L3MBTL2: variants seen among roughly 807,000 people sequenced by gnomAD.
The protein encoded by L3MBTL2 is L3MBTL histone methyl-lysine binding protein 2, also known as lethal(3)malignant brain tumor-like protein 2.
A neutral mutation model predicts 86.4 loss-of-function variants in L3MBTL2; 49 were observed. That is an observed-to-expected ratio of 0.57 (90% CI 0.45 to 0.72). The LOEUF is 0.72. L3MBTL2 is among the 30% of genes least tolerant of loss of function. The pLI, the probability that L3MBTL2 is intolerant of heterozygous loss-of-function variation, is 0.00. For synonymous variants in L3MBTL2, 336 were observed against 350.6 expected (o/e 0.96, Z 0.47); for missense variants, 755 against 923.7 (o/e 0.82, Z 2.37).
At position 41,230,343 on chromosome 22, in the gene L3MBTL2, G is replaced by C. The variant is rs1311816808; in HGVS notation, c.*92G>C. ...TGCCTCCACCTGACTTTGGCTTGGAGACTGATCCTCTCTGTGTAAATTCTG... is the reference window on the plus strand; with the variant it reads ...TGCCTCCACCTGACTTTGGCTTGGACACTGATCCTCTCTGTGTAAATTCTG... On this transcript the variant is annotated 3_prime_UTR_variant, in exon 17 of 17. Transcript: ENST00000216237. 1 of 921,502 alleles carries C rather than the reference G, an allele frequency of 1.1e-6. No individual in the cohort carries two copies. Among genetic ancestry groups the C allele is most frequent in the Non-Finnish European group, 1.7e-6 (1 of 572,468 alleles). The allele number at this position is 921,502 out of a possible 1,614,324, so 57.1% of individuals were successfully genotyped here. A position where few individuals can be genotyped will look rare whatever the true frequency, so the allele number is the denominator to read the frequency against.
Position 41,214,253 on chromosome 22 carries a change from C to T in L3MBTL2, c.396+227C>T, listed in dbSNP as rs567329703. The T allele has an allele frequency of 2.8e-4, 128 of 463,326 alleles. 1 individual carries two copies. The East Asian group carries it at 4.8e-3, about 17-fold the overall frequency. The allele number at this position is 463,326 out of a possible 1,614,324, so 28.7% of individuals were successfully genotyped here. On this transcript the variant is annotated intron_variant, in intron 3 of 16. Transcript: ENST00000216237. ...ATTACCTACCATCATCCCCCAGAGT[C>T]TGGTGTATTCAGTACATTTTAAACA...
chr22:41,217,825 T>G (rs1049768611), intron 5 of L3MBTL2: 1 of 152,668 alleles, frequency 6.6e-6, no homozygotes. Flanking sequence ...CTTGAGGAAG[T>G]AGGGAGTCTT....
chr22:41,225,475 G>C lies in L3MBTL2; in HGVS notation c.1357-319G>C, dbSNP rs555968499. On this transcript the variant is annotated intron_variant, in intron 11 of 16. Coordinates refer to ENST00000216237, the MANE Select transcript of L3MBTL2 (RefSeq NM_031488.5). This position sits in a 1 kb window ranked among gnomAD's most constrained non-coding sequence, Gnocchi z 4.1. The stretch of plus-strand genomic sequence containing the variant: ...CCCCCACCCCTCCTTGGCCCTCCTG[G>C]AGGAGGCTGCTGACTCGTCCTCGCC... 8.5e-5 allele frequency among the ~76,000 whole-genome samples: 13 copies of C among 152,098 alleles called. No homozygotes were observed. The highest frequency in any genetic ancestry group is 1.9e-4 in the Non-Finnish European group (13 of 68,016).
At chr22:41,216,895 A>G in intron 4 of L3MBTL2, 1 of 489,290 alleles carries the variant, frequency 2.0e-6, no homozygotes, top group South Asian at 2.8e-5. Context: ...ATGTTCCTCT[A>G]CTCCTGAGAG....
intron 8 of L3MBTL2, among the ~76,000 whole-genome samples, chr22:41,221,648 C>G (rs1359225586): frequency 1.3e-5 from 2 of 152,226 alleles, no homozygotes; most frequent in Non-Finnish European, 2.9e-5. Flanking sequence ...GCTCTGTCCC[C>G]CAGGCTGGAG....
At chr22:41,228,434 G>A (rs2032344454) in intron 15 of L3MBTL2, 1 of 985,326 alleles carries the variant, frequency 1.0e-6, no homozygotes, top group African/African-American at 1.7e-5. Flanking sequence ...GGCAGAGCGG[G>A]AGCGGGCAAA....
rs778228506 is a variant in L3MBTL2 at position 41,227,336 on chromosome 22, G to A, written c.1822+13G>A. ...CCTGTGGCCGCAGGTGTGGGCTCTC[G>A]TGGCCCTAAGAGGCTCTGACTTTCT... On this transcript the variant is annotated intron_variant, in intron 14 of 16. Transcript: ENST00000216237. This position sits in a 1 kb window ranked among gnomAD's most constrained non-coding sequence, Gnocchi z 6.0. The A allele has an allele frequency of 1.3e-5, 21 of 1,576,306 alleles. No individual in the cohort carries two copies. The highest frequency in any genetic ancestry group is 3.4e-5 in the South Asian group (3 of 87,122).
chr22:41,221,013 C>T (rs569970023), intron 7 of L3MBTL2, 145 bp downstream of exon 7: 1 of 1,060,098 alleles, frequency 9.4e-7, no homozygotes, highest in Admixed American at 2.7e-5. Flanking sequence ...CCTCCCCATC[C>T]CAGAGGCCTG....
Position 41,224,895 on chromosome 22 carries a change from T to G in L3MBTL2, c.1252-72T>G. The stretch of plus-strand genomic sequence containing the variant: ...CTTCCCCTGGGACCATCCCTTTCCC[T>G]CCTGAGGCCTGCTTCCCTCACCCTT... On this transcript the variant is annotated intron_variant, in intron 10 of 16. Coordinates refer to ENST00000216237, the MANE Select transcript of L3MBTL2 (RefSeq NM_031488.5). This position sits in a 1 kb window ranked among gnomAD's most constrained non-coding sequence, Gnocchi z 4.9. 1 of 1,556,982 alleles carries G rather than the reference T, an allele frequency of 6.4e-7. No homozygotes were observed.
Position 41,228,514 on chromosome 22 carries a change from G to A in L3MBTL2, c.1888+645G>A, listed in dbSNP as rs571834016. 66 of 985,428 alleles carry A rather than the reference G, an allele frequency of 6.7e-5. No homozygotes were observed. The African/African-American group carries it at 1.1e-3, about 17-fold the overall frequency. The allele number at this position is 985,428 out of a possible 1,614,324, so 61.0% of individuals were successfully genotyped here. A position where few individuals can be genotyped will look rare whatever the true frequency, so the allele number is the denominator to read the frequency against. On this transcript the variant is annotated intron_variant, in intron 15 of 16. Transcript: ENST00000216237. ...ACAGTGTGGTACCATGTGGGGAAGAGGATGTTCTGAAACAGAAACAAGGTC... is the reference window on the plus strand; with the variant it reads ...ACAGTGTGGTACCATGTGGGGAAGAAGATGTTCTGAAACAGAAACAAGGTC...
In L3MBTL2 at chr22:41,209,892, C is replaced by G; in HGVS notation, c.221C>G (p.Pro74Arg). 6.2e-7 allele frequency: 1 copy of G among 1,614,058 alleles called. No homozygotes were observed. Among genetic ancestry groups the G allele is most frequent in the Non-Finnish European group, 8.5e-7 (1 of 1,179,980 alleles). The change falls in exon 2 of 17, where the codon CCT (proline) becomes CGT (arginine). Residue 74 changes from proline to arginine, a missense_variant. Physicochemically the swap from Pro to Arg is moderately radical, Grantham distance 103. Transcript: ENST00000216237. ...ACCTCCCCGCTGCATTTGCTCAGCC[C>G]TGGGACTCCTCGCTCCTTGGATGGC... is the stretch of plus-strand genomic sequence containing the variant. ...LPTSPLHLLS[P>R]GTPRSLDGSG...
chr22:41,227,808 G>T lies in L3MBTL2; in HGVS notation c.1827G>T (p.Pro609=). The T allele has an allele frequency of 1.2e-6, 2 of 1,613,602 alleles. No individual in the cohort carries two copies. Among genetic ancestry groups the T allele is most frequent in the South Asian group, 2.2e-5 (2 of 91,014 alleles). ...ACCCTTGTCTTTCAACAACAGAACCGGCCACACCGCTGAAGGCCAAAGAGG... is the reference window on the plus strand; with the variant it reads ...ACCCTTGTCTTTCAACAACAGAACCTGCCACACCGCTGAAGGCCAAAGAGG... ...YQLQPPVAAE[P]ATPLKAKEAT... is the part of the protein sequence containing the mutation. Residue 609 remains proline (P), a synonymous_variant, in exon 15 of 17, where the codon CCG becomes CCT. Transcript: ENST00000216237. The surrounding 1 kb of genome is among the most constrained non-coding windows in gnomAD (Gnocchi z 6.0).
At chr22:41,223,735 G>T (rs1208412163) in intron 8 of L3MBTL2, among the ~76,000 whole-genome samples, 1 of 152,236 alleles carries the variant, frequency 6.6e-6, no homozygotes, top group African/African-American at 2.4e-5. Context: ...TTTGTGATTT[G>T]CATCAACTCA....
In L3MBTL2 at chr22:41,225,918, A is replaced by G; in HGVS notation, c.1481A>G (p.Asp494Gly). Residue 494 changes from aspartate (D) to glycine (G), a missense_variant, in exon 12 of 17, where the codon GAC (aspartate) becomes GGC (glycine). Coordinates refer to ENST00000216237, the MANE Select transcript of L3MBTL2 (RefSeq NM_031488.5). This position sits in a 1 kb window ranked among gnomAD's most constrained non-coding sequence, Gnocchi z 4.1. ...IFPATFCQKN[D>G]IELTPPKGYE... ...CCGGCCACCTTCTGTCAGAAGAATG[A>G]CATTGAGCTCACACCGCCAAAAGGT... 6.2e-7 allele frequency: 1 copy of G among 1,614,050 alleles called. No homozygotes were observed. The highest frequency in any genetic ancestry group is 8.5e-7 in the Non-Finnish European group (1 of 1,180,002).
chr22:41,226,957 G>C, intron 13 of L3MBTL2, 132 bp from the exon 14 acceptor site: 1 of 819,690 alleles, frequency 1.2e-6, no homozygotes, highest in Non-Finnish European at 1.9e-6. Flanking sequence ...TTATTGTCTA[G>C]AGGAAGCTGC....
Position 41,227,506 on chromosome 22 carries a change from C to A in L3MBTL2, c.1822+183C>A. On this transcript the variant is annotated intron_variant, in intron 14 of 16. Coordinates refer to ENST00000216237, the MANE Select transcript of L3MBTL2 (RefSeq NM_031488.5). This position sits in a 1 kb window ranked among gnomAD's most constrained non-coding sequence, Gnocchi z 6.0. Reference sequence around the variant, plus strand: ...TCCTGACTTCTCTGTCTCCCTTTCCCTCTGGCCTGCAGAGCTCCTTCCTTC... The same window carrying A: ...TCCTGACTTCTCTGTCTCCCTTTCCATCTGGCCTGCAGAGCTCCTTCCTTC... 1 of 1,365,308 alleles carries A rather than the reference C, an allele frequency of 7.3e-7. No homozygotes were observed. Among genetic ancestry groups the A allele is most frequent in the Non-Finnish European group, 1.0e-6 (1 of 978,972 alleles). 84.6% of individuals were successfully genotyped at this position (1,365,308 alleles called of 1,614,324 possible). A position where few individuals can be genotyped will look rare whatever the true frequency, so the allele number is the denominator to read the frequency against.
chr22:41,226,776 C>T (rs747116204), intron 13 of L3MBTL2, 32 bp downstream of exon 13: 21 of 1,516,658 alleles, frequency 1.4e-5, no homozygotes, highest in South Asian at 7.9e-5. Context: ...AAGGGGCCTG[C>T]GGTGGCCTCA....
chr22:41,212,527 A>T (rs1035058320), intron 2 of L3MBTL2, among the ~76,000 whole-genome samples: 1 of 151,018 alleles, frequency 6.6e-6, no homozygotes, highest in African/African-American at 2.4e-5. Context: ...CCTCCGGAGT[A>T]GCTGGGATTA....
chr22:41,217,408 C>T (rs2031473467), intron 5 of L3MBTL2: 1 of 563,432 alleles, frequency 1.8e-6, no homozygotes, highest in Non-Finnish European at 3.2e-6. Flanking sequence ...TGGCTTCACT[C>T]CCGGTCTGAA....
Sources: gnomAD v4.1 joint callset for allele counts (sites outside exome capture counted in the v4.1 genomes callset) on GRCh38, gnomAD v4.1.1 for gene constraint, Gnocchi (gnomAD v3.1) non-coding constraint, MANE v1.5 for transcripts, NCBI Gene and HGNC (gene_info 2026-07-23, HGNC 2026-07-21) for gene names.